The following ABCB6 variants were observed in gnomAD, a reference collection of about 807,000 sequenced individuals.
ABCB6 encodes the protein ATP binding cassette subfamily B member 6 (LAN blood group), also known as ATP-binding cassette sub-family B member 6.
ABCB6 carries 87 observed loss-of-function variants against 99.4 expected under a neutral mutation model. The ratio of observed to expected loss-of-function variants is 0.88; its 90% confidence interval spans 0.74 to 1.05. The LOEUF is 1.05. Ranked by LOEUF, ABCB6 falls within the 50% of genes least tolerant of loss-of-function variation. ABCB6 has a pLI of 0.00. For missense variants in ABCB6, 1,050 were observed against 1,097.9 expected (o/e 0.96, Z 0.62); for synonymous variants, 482 against 447.5 (o/e 1.08, Z -0.97).
At chr2:219,211,621 C>CTTTTTTTTTTTTTTTTTTT (rs34408255) in intron 14 of ABCB6, among the ~76,000 whole-genome samples, 3 of 87,842 alleles carry the variant, frequency 3.4e-5, no homozygotes, top group African/African-American at 8.2e-5. Context: ...ATCGTTGTAC[C>CTTTTTTTTTTTTTTTTTTT]TTTTTTTTTT....
In ABCB6 at chr2:219,216,200, G is replaced by A. The variant is rs535650695; in HGVS notation, c.971-20C>T. 26 of 1,574,262 alleles carry A rather than the reference G, an allele frequency of 1.7e-5. No homozygotes were observed. Among genetic ancestry groups the A allele is most frequent in the African/African-American group, 2.7e-5 (2 of 74,406 alleles). Reference sequence around the variant, plus strand: ...CGAAGCCTGCAGGGAGCCGGGGGACGCCTCAGTAGGGCCTGGGAGCTGAGG... The same window carrying A: ...CGAAGCCTGCAGGGAGCCGGGGGACACCTCAGTAGGGCCTGGGAGCTGAGG... On this transcript the variant is annotated intron_variant, in intron 4 of 18. Transcript: ENST00000265316. This position sits in a 1 kb window ranked among gnomAD's most constrained non-coding sequence, Gnocchi z 4.2.
At chr2:219,210,504 C>T (rs755488114) in intron 16 of ABCB6, 29 bp from the exon 17 acceptor site, 1 of 1,610,050 alleles carries the variant, frequency 6.2e-7, no homozygotes, top group South Asian at 1.1e-5. Context: ...TAAAACTGCT[C>T]CTGCCACTCA....
chr2:219,212,531 CTTTTTT>C, intron 13 of ABCB6, 40 bp from the exon 14 acceptor site: 1 of 1,528,150 alleles, frequency 6.5e-7, no homozygotes, highest in Non-Finnish European at 9.0e-7. Flanking sequence ...GGCCCACTGG[CTTTTTT>C]TTTGAGACCG....
chr2:219,210,803 C>A lies in ABCB6; in HGVS notation c.2164G>T (p.Glu722Ter). Residue 722 changes from glutamate to a stop codon, truncating the protein, a stop_gained, in exon 16 of 19, where the codon GAG (glutamate) becomes TAG (stop). Coordinates refer to ENST00000265316, the MANE Select transcript of ABCB6 (RefSeq NM_005689.4). LOFTEE classifies it high-confidence loss of function. Reference sequence around the variant, plus strand: ...CCGCCGCTCAGCTTCAGTCCCCGCTCGCCCACCTGTGTCCTGTACCCTGTG... The same window carrying A: ...CCGCCGCTCAGCTTCAGTCCCCGCTAGCCCACCTGTGTCCTGTACCCTGTG... Reference protein sequence around the residue: ...FPEGYRTQVGERGLKLSGGEK... With the variant: ...FPEGYRTQVG 6.2e-7 allele frequency: 1 copy of A among 1,613,878 alleles called. No homozygotes were observed. The highest frequency in any genetic ancestry group is 8.5e-7 in the Non-Finnish European group (1 of 1,179,986).
Position 219,215,993 on chromosome 2 carries a change from G to T in ABCB6, c.1154+4C>A, listed in dbSNP as rs1362525936. 1 of 1,556,008 alleles carries T rather than the reference G, an allele frequency of 6.4e-7. No individual in the cohort carries two copies. The highest frequency in any genetic ancestry group is 8.7e-7 in the Non-Finnish European group (1 of 1,145,390). On this transcript the variant is annotated splice_donor_region_variant and intron_variant, in intron 5 of 18. Coordinates refer to ENST00000265316, the MANE Select transcript of ABCB6 (RefSeq NM_005689.4). ...CCCACATGCCCTTTCCACTGGGGCG[G>T]CACCTGAGCAGCCCTGTGACACTGG...
In ABCB6 at chr2:219,216,021, G is replaced by A; in HGVS notation, c.1130C>T (p.Thr377Ile). 1 of 1,595,906 alleles carries A rather than the reference G, an allele frequency of 6.3e-7. No individual in the cohort carries two copies. The highest frequency in any genetic ancestry group is 8.6e-7 in the Non-Finnish European group (1 of 1,168,814). ...CCTGAGCAGCCCTGTGACACTGGATGTGCCCCGATCCGCGATCCGCAGCAC... is the reference window on the plus strand; with the variant it reads ...CCTGAGCAGCCCTGTGACACTGGATATGCCCCGATCCGCGATCCGCAGCAC... ...GEVLRIADRG[T>I]SSVTGLLSYL... The change falls in exon 5 of 19, where the codon ACA (threonine) becomes ATA (isoleucine). Residue 377 changes from threonine to isoleucine, a missense_variant. By Grantham distance (89) the Thr-to-Ile change is moderately conservative (BLOSUM62 -1). Transcript: ENST00000265316. The surrounding 1 kb of genome is among the most constrained non-coding windows in gnomAD (Gnocchi z 4.2).
rs886995685 is a variant in ABCB6, at chr2:219,209,983, C to T, written c.2484G>A (p.Gln828=). The part of the protein sequence containing the change: ...YADMWQLQQG[Q]EETSEDTKPQ... ...GCTTAGTGTCTTCAGAGGTTTCTTCCTGTCCCTGCTGCAGCTGCCACATGT... is the reference window on the plus strand; with the variant it reads ...GCTTAGTGTCTTCAGAGGTTTCTTCTTGTCCCTGCTGCAGCTGCCACATGT... Residue 828 remains glutamine (Q), a synonymous_variant, in exon 19 of 19, where the codon CAG becomes CAA. Coordinates refer to ENST00000265316, the MANE Select transcript of ABCB6 (RefSeq NM_005689.4). 2 of 1,614,188 alleles carry T rather than the reference C, an allele frequency of 1.2e-6. No homozygotes were observed. The highest frequency in any genetic ancestry group is 1.7e-6 in the Non-Finnish European group (2 of 1,180,036).
intron 2 of ABCB6, among the ~76,000 whole-genome samples, chr2:219,217,176 T>C (rs1249280211): frequency 6.6e-6 from 1 of 151,572 alleles, no homozygotes; most frequent in African/African-American, 2.4e-5. Flanking sequence ...CTGGCCAACA[T>C]GGTGAAACCC....
In ABCB6 at chr2:219,212,587, A is replaced by C. The variant is rs41272697; in HGVS notation, c.1864-96T>G. 1,693 of 888,150 alleles carry C rather than the reference A, an allele frequency of 1.9e-3. 3 individuals carry two copies. Among genetic ancestry groups the C allele is most frequent in the Non-Finnish European group, 2.8e-3 (1,574 of 557,584 alleles). The allele number at this position is 888,150 out of a possible 1,614,324, so 55.0% of individuals were successfully genotyped here. On this transcript the variant is annotated intron_variant, in intron 13 of 18. Transcript: ENST00000265316. ...ACCCAGGCTGCAGTGCAATGGCGCG[A>C]TCTCAGCTCACTAGAACCTCTGCCT...
chr2:219,213,400 TC>T, intron 11 of ABCB6, 38 bp downstream of exon 11: 3 of 1,613,860 alleles, frequency 1.9e-6, no homozygotes, highest in Non-Finnish European at 2.5e-6. Context: ...ACCACACAGC[TC>T]CTCCCTCCCC....
chr2:219,214,697 A>G (rs1483081041), intron 6 of ABCB6, 199 bp from the exon 7 acceptor site: 5 of 626,050 alleles, frequency 8.0e-6, no homozygotes, highest in Non-Finnish European at 8.4e-6. Flanking sequence ...AGCAAGCTGC[A>G]TCTTGTTACA....
intron 14 of ABCB6, among the ~76,000 whole-genome samples, chr2:219,211,504 A>G (rs1305899041): frequency 4.0e-5 from 6 of 150,700 alleles, no homozygotes; most frequent in Admixed American, 3.3e-4. Context: ...GTTGCCAGGT[A>G]TGTTGCCCAG....
rs1216972082 is a variant in ABCB6 at position 219,216,923 on chromosome 2, G to T, written c.688-91C>A. ...TCAGGGAAAAACCTATGGGGTTACAGCTCCCAGGTATCTCAGACCCACAAG... is the reference window on the plus strand; with the variant it reads ...TCAGGGAAAAACCTATGGGGTTACATCTCCCAGGTATCTCAGACCCACAAG... On this transcript the variant is annotated intron_variant, in intron 2 of 18. Transcript: ENST00000265316. This position sits in a 1 kb window ranked among gnomAD's most constrained non-coding sequence, Gnocchi z 4.2. 4 of 1,193,688 alleles carry T rather than the reference G, an allele frequency of 3.4e-6. No homozygotes were observed. Among genetic ancestry groups the T allele is most frequent in the African/African-American group, 1.5e-5 (1 of 65,054 alleles). 73.9% of individuals were successfully genotyped at this position (1,193,688 alleles called of 1,614,324 possible). A position where few individuals can be genotyped will look rare whatever the true frequency, so the allele number is the denominator to read the frequency against.
At chr2:219,211,146 A>T (rs777482189) in intron 14 of ABCB6, 38 bp from the exon 15 acceptor site, 72 of 1,606,712 alleles carry the variant, frequency 4.5e-5, no homozygotes, top group Non-Finnish European at 5.6e-5. Context: ...CTTATGAGAT[A>T]CCCCCAAGGC....
intron 6 of ABCB6, 110 bp downstream of exon 6, chr2:219,214,851 T>G (rs925345121): frequency 2.5e-5 from 33 of 1,337,290 alleles, no homozygotes; most frequent in Middle Eastern, 2.3e-4. Context: ...CCCATTCAAG[T>G]CCACCAATCC....
intron 18 of ABCB6, 70 bp from the exon 19 acceptor site, chr2:219,210,116 A>G: frequency 1.3e-6 from 2 of 1,597,298 alleles, no homozygotes; most frequent in Non-Finnish European, 1.7e-6. Context: ...ACCAGCCCAC[A>G]GAGAGGACGG....
intron 18 of ABCB6, 24 bp downstream of exon 18, chr2:219,210,206 C>T (rs770040967): frequency 3.0e-5 from 48 of 1,613,850 alleles, no homozygotes; most frequent in Non-Finnish European, 4.1e-5. Context: ...GAAGACCTGT[C>T]CTTTTGATCT....
At chr2:219,213,697 CG>C (rs375268049) in intron 9 of ABCB6, 31 bp from the exon 10 acceptor site, 48 of 1,613,910 alleles carry the variant, frequency 3.0e-5, no homozygotes, top group African/African-American at 2.4e-4. Context: ...GAGCATGTCA[CG>C]GGGGGCCTGC....
chr2:219,218,445 G>C lies in ABCB6; in HGVS notation c.229C>G (p.Leu77Val). Residue 77 changes from leucine (L) to valine (V), a missense_variant, in exon 1 of 19, where the codon CTG (leucine) becomes GTG (valine). Transcript: ENST00000265316. Reference protein sequence around the residue: ...GPRISPYVLQLLLATLQAALP... With the variant: ...GPRISPYVLQVLLATLQAALP... The stretch of plus-strand genomic sequence containing the variant: ...GCCGCCTGAAGTGTGGCCAGAAGCA[G>C]CTGCAGCACGTAGGGAGAGATGCGA... 1.2e-6 allele frequency: 2 copies of C among 1,609,642 alleles called. No individual in the cohort carries two copies. The highest frequency in any genetic ancestry group is 1.7e-6 in the Non-Finnish European group (2 of 1,178,360).
Sources: gnomAD v4.1 joint callset for allele counts (sites outside exome capture counted in the v4.1 genomes callset) on GRCh38, gnomAD v4.1.1 for gene constraint, Gnocchi (gnomAD v3.1) non-coding constraint, MANE v1.5 for transcripts, NCBI Gene and HGNC (gene_info 2026-07-23, HGNC 2026-07-21) for gene names.